Variants in SPATA31C2 observed in about 807,000 individuals in gnomAD.
SPATA31C2 encodes SPATA31 subfamily C member 2.
Under a neutral mutation model 11.4 loss-of-function variants are expected in SPATA31C2, and 5 were observed. That is an observed-to-expected ratio of 0.44 (90% CI 0.23 to 0.92). The LOEUF is 0.92. Among genes scored for constraint, SPATA31C2 ranks in the 40% least tolerant of loss-of-function variants. The probability of loss-of-function intolerance (pLI) is 0.24; values close to 1 mark genes in which losing one functional copy is unlikely to be tolerated. For missense variants in SPATA31C2, 1,353 were observed against 1,368.6 expected (o/e 0.99, Z 0.18); for synonymous variants, 515 against 538.7 (o/e 0.96, Z 0.61).
At position 88,131,711 on chromosome 9, in the gene SPATA31C2, G is replaced by T. The variant is rs757232036; in HGVS notation, c.1326C>A (p.Asn442Lys). Residue 442 changes from asparagine to lysine, a missense_variant, in exon 4 of 4, where the codon AAC (asparagine) becomes AAA (lysine). Coordinates refer to ENST00000324915, the MANE Select transcript of SPATA31C2 (RefSeq NM_001350978.3). ...TCCAGAGTTCAGGACTGACTGGAAA[G>T]TTCTCAGGCAGAATGGATGTCAGTC... is the stretch of plus-strand genomic sequence containing the variant. ...QERLTSILPENFPVSPELWRQ... is the reference protein window; with the variant it reads ...QERLTSILPEKFPVSPELWRQ... The T allele has an allele frequency of 2.2e-5, 36 of 1,611,872 alleles. No homozygotes were observed. In the East Asian group the frequency reaches 8.0e-4, roughly 36 times the overall value.
Position 88,131,291 on chromosome 9 carries a change from T to A in SPATA31C2, c.1746A>T (p.Arg582Ser). The change falls in exon 4 of 4, where the codon AGA becomes AGT. Residue 582 changes from arginine (R) to serine (S), a missense_variant. Coordinates refer to ENST00000324915, the MANE Select transcript of SPATA31C2 (RefSeq NM_001350978.3). ...IENILKAHMS[R>S]KLGQTNEGLI... is the part of the protein sequence containing the mutation. ...AGCCCTCGTTGGTCTGGCCCAACTTTCTGCTCATGTGGGCTTTCAGGATGT... is the reference window on the plus strand; with the variant it reads ...AGCCCTCGTTGGTCTGGCCCAACTTACTGCTCATGTGGGCTTTCAGGATGT... 3 of 1,611,844 alleles carry A rather than the reference T, an allele frequency of 1.9e-6. No homozygotes were observed. The highest frequency in any genetic ancestry group is 1.3e-5 in the African/African-American group (1 of 74,974).
At position 88,130,517 on chromosome 9, in the gene SPATA31C2, C is replaced by T; in HGVS notation, c.2520G>A (p.Met840Ile). The T allele has an allele frequency of 1.2e-6, 2 of 1,613,412 alleles. No individual in the cohort carries two copies. Among genetic ancestry groups the T allele is most frequent in the South Asian group, 1.1e-5 (1 of 91,058 alleles). ...GCTTTCTTGGGTCTTGGGAGACAGA[C>T]ATTCTAGGGAGTAGAGAGCTTTTGC... The part of the protein sequence containing the change: ...GASKSSLLPR[M>I]SVSQDPRKLC... Residue 840 changes from methionine (M) to isoleucine (I), a missense_variant, in exon 4 of 4, where the codon ATG becomes ATA. Met to Ile is a conservative substitution (Grantham distance 10). Coordinates refer to ENST00000324915, the MANE Select transcript of SPATA31C2 (RefSeq NM_001350978.3).
In SPATA31C2 at chr9:88,131,680, G is replaced by T. The variant is rs1825597928; in HGVS notation, c.1357C>A (p.Leu453Met). 6.2e-7 allele frequency: 1 copy of T among 1,611,848 alleles called. No individual in the cohort carries two copies. The highest frequency in any genetic ancestry group is 1.7e-5 in the Admixed American group (1 of 59,998). ...FPVSPELWRQ[L>M]EQHMGQRGRI... Reference sequence around the variant, plus strand: ...CCACGTTGCCCCATGTGTTGCTCCAGTTGTCTCCAGAGTTCAGGACTGACT... The same window carrying T: ...CCACGTTGCCCCATGTGTTGCTCCATTTGTCTCCAGAGTTCAGGACTGACT... The change falls in exon 4 of 4, where the codon CTG becomes ATG. Residue 453 changes from leucine to methionine, a missense_variant. Transcript: ENST00000324915.
rs1386741201 is a variant in SPATA31C2 at position 88,131,082 on chromosome 9, C to T, written c.1955G>A (p.Arg652Lys). The T allele has an allele frequency of 1.5e-5, 24 of 1,612,026 alleles. No homozygotes were observed. Among genetic ancestry groups the T allele is most frequent in the Non-Finnish European group, 2.0e-5 (24 of 1,179,856 alleles). ...ACCCCACCTGTGTTTGGCCCAAAAC[C>T]TCACAATATGGGCTCCCAGCACCTG... is the stretch of plus-strand genomic sequence containing the variant. ...TQQVLGAHIV[R>K]FWAKHRWGLP... Residue 652 changes from arginine (R) to lysine (K), a missense_variant, in exon 4 of 4, where the codon AGG (arginine) becomes AAG (lysine). Around this residue, in one of 6 missense-constraint regions of SPATA31C2, gnomAD observed 1,075 missense variants for 992.8 expected, o/e 1.08. Coordinates refer to ENST00000324915, the MANE Select transcript of SPATA31C2 (RefSeq NM_001350978.3).
Position 88,131,474 on chromosome 9 carries a change from C to G in SPATA31C2, c.1563G>C (p.Leu521=), listed in dbSNP as rs1298260189. ...RDPCPHLGQI[L]GETPQNLSRG... ...TGGATAGATTTTGTGGGGTCTCACC[C>G]AGAATTTGCCCCAGATGTGGGCATG... Residue 521 remains leucine, a synonymous_variant, in exon 4 of 4, where the codon CTG becomes CTC. Transcript: ENST00000324915. 1 of 1,611,764 alleles carries G rather than the reference C, an allele frequency of 6.2e-7. No individual in the cohort carries two copies. Among genetic ancestry groups the G allele is most frequent in the African/African-American group, 1.3e-5 (1 of 74,814 alleles).
In SPATA31C2 at chr9:88,130,334, C is replaced by G; in HGVS notation, c.2703G>C (p.Gln901His). Residue 901 changes from glutamine (Q) to histidine (H), a missense_variant, in exon 4 of 4, where the codon CAG becomes CAC. By Grantham distance (24) the Gln-to-His change is conservative (BLOSUM62 0). Around this residue, in one of 6 missense-constraint regions of SPATA31C2, gnomAD observed 1,075 missense variants for 992.8 expected, o/e 1.08. Transcript: ENST00000324915. ...CAGTAGGCATGCTCTGGAGATGGCCCTGGGGCACTTGAGAAGCCAAATTCT... is the reference window on the plus strand; with the variant it reads ...CAGTAGGCATGCTCTGGAGATGGCCGTGGGGCACTTGAGAAGCCAAATTCT... The part of the protein sequence containing the change: ...ASENLASQVP[Q>H]GHLQSMPTGN... The G allele has an allele frequency of 3.7e-6, 6 of 1,610,024 alleles. No homozygotes were observed. The highest frequency in any genetic ancestry group is 5.1e-6 in the Non-Finnish European group (6 of 1,179,190).
At position 88,129,854 on chromosome 9, in the gene SPATA31C2, C is replaced by T; in HGVS notation, c.3183G>A (p.Gln1061=). Residue 1061 remains glutamine, a synonymous_variant, in exon 4 of 4, where the codon CAG becomes CAA. Transcript: ENST00000324915. The part of the protein sequence containing the change: ...EAERLMTAVG[Q]ILEENMSLCH... ...AAAGTGACATGTTCTCCTCCAGTAT[C>T]TGTCCAACTGCTGTCATGAGCCTCT... is the stretch of plus-strand genomic sequence containing the variant. 6.2e-6 allele frequency: 10 copies of T among 1,605,066 alleles called. No individual in the cohort carries two copies. The highest frequency in any genetic ancestry group is 8.5e-6 in the Non-Finnish European group (10 of 1,174,170).
At position 88,131,467 on chromosome 9, in the gene SPATA31C2, T is replaced by G. The variant is rs1303038911; in HGVS notation, c.1570A>C (p.Thr524Pro). ...CPHLGQILGETPQNLSRGMES... is the reference protein window; with the variant it reads ...CPHLGQILGEPPQNLSRGMES... ...ATGCCCCTGGATAGATTTTGTGGGG[T>G]CTCACCCAGAATTTGCCCCAGATGT... Residue 524 changes from threonine (T) to proline (P), a missense_variant, in exon 4 of 4, where the codon ACC (threonine) becomes CCC (proline). Transcript: ENST00000324915. 1.2e-6 allele frequency: 2 copies of G among 1,611,798 alleles called. No homozygotes were observed. The highest frequency in any genetic ancestry group is 8.5e-7 in the Non-Finnish European group (1 of 1,179,796).
In SPATA31C2 at chr9:88,132,383, A is replaced by G. The variant is rs769119402; in HGVS notation, c.654T>C (p.Asp218=). 8 of 1,611,068 alleles carry G rather than the reference A, an allele frequency of 5.0e-6. No individual in the cohort carries two copies. Among genetic ancestry groups the G allele is most frequent in the Non-Finnish European group, 6.8e-6 (8 of 1,178,042 alleles). Residue 218 remains aspartate (D), a synonymous_variant, in exon 4 of 4, where the codon GAT becomes GAC. Coordinates refer to ENST00000324915, the MANE Select transcript of SPATA31C2 (RefSeq NM_001350978.3). ...GAGGAGGCGGAGAGCAGGCCAGAGG[A>G]TCAGGAGTGCGTGGTGGGTGAGGGA... The part of the protein sequence containing the change: ...ALFPHPPRTP[D]PLACSPPPPK...
rs1433224339 is a variant in SPATA31C2 at position 88,133,671 on chromosome 9, T to A, written c.190-2A>T. On this transcript the variant is annotated splice_acceptor_variant, in intron 1 of 3. Coordinates refer to ENST00000324915, the MANE Select transcript of SPATA31C2 (RefSeq NM_001350978.3). LOFTEE classifies it high-confidence loss of function. ...TGGACGCTGGGAGACAAGATGACGC[T>A]GGGAGACAAGAAATGGCGAGGAGCT... The A allele has an allele frequency of 1.3e-6, 2 of 1,599,440 alleles. No homozygotes were observed. Among genetic ancestry groups the A allele is most frequent in the Admixed American group, 1.7e-5 (1 of 59,634 alleles).
At position 88,131,222 on chromosome 9, in the gene SPATA31C2, C is replaced by G. The variant is rs750805116; in HGVS notation, c.1815G>C (p.Gln605His). ...SVRRSWLAVN[Q>H]AFPVSNTHVK... The stretch of plus-strand genomic sequence containing the variant: ...CGTGGGTGTTGGAGACGGGAAAAGC[C>G]TGGTTGACAGCAAGCCAGGATCGAC... The change falls in exon 4 of 4, where the codon CAG becomes CAC. Residue 605 changes from glutamine (Q) to histidine (H), a missense_variant. Gln to His is a conservative substitution (Grantham distance 24). Coordinates refer to ENST00000324915, the MANE Select transcript of SPATA31C2 (RefSeq NM_001350978.3). 8 of 1,611,802 alleles carry G rather than the reference C, an allele frequency of 5.0e-6. No individual in the cohort carries two copies. In the African/African-American group the frequency reaches 1.1e-4, roughly 22 times the overall value.
In SPATA31C2 at chr9:88,137,947, TCC is replaced by T. The variant is rs1291514409; in HGVS notation, c.189+309_189+310del. Among the ~76,000 whole-genome samples the T allele has an allele frequency of 4.5e-5, 5 of 111,578 alleles. 1 individual carries two copies. The highest frequency in any genetic ancestry group is 5.0e-5 in the Non-Finnish European group (3 of 60,602). The allele number at this position is 111,578 out of a possible 152,430, so 73.2% of individuals were successfully genotyped here. Reference sequence around the variant, plus strand: ...ACCTCCCATCTCATGACCAGAGACCTCCCCCGTCTCATGACCAGAGACCTCCC... The same window carrying T: ...ACCTCCCATCTCATGACCAGAGACCTCCCGTCTCATGACCAGAGACCTCCC... On this transcript the variant is annotated intron_variant, in intron 1 of 3. Coordinates refer to ENST00000324915, the MANE Select transcript of SPATA31C2 (RefSeq NM_001350978.3).
chr9:88,133,374 G>A (rs1012740733), intron 2 of SPATA31C2, among the ~76,000 whole-genome samples: 3 of 78,624 alleles, frequency 3.8e-5, no homozygotes, highest in Admixed American at 1.4e-4. Context: ...GCAGGCATTG[G>A]TCTCCCCAGG....
chr9:88,133,702 C>T (rs748752802), intron 1 of SPATA31C2, 33 bp from the exon 2 acceptor site: 44 of 1,544,008 alleles, frequency 2.8e-5, no homozygotes, highest in East Asian at 5.1e-5. Context: ...GAGCTAGGAC[C>T]GGCTCTCCCT....
rs1220370141 is a variant in SPATA31C2, at chr9:88,129,642, C to T, written c.3395G>A (p.Arg1132Lys). The T allele has an allele frequency of 6.2e-7, 1 of 1,603,168 alleles. No homozygotes were observed. Among genetic ancestry groups the T allele is most frequent in the South Asian group, 1.1e-5 (1 of 90,952 alleles). Residue 1132 changes from arginine (R) to lysine (K), a missense_variant, in exon 4 of 4, where the codon AGA (arginine) becomes AAA (lysine). This residue lies in a region of SPATA31C2 where 187 missense variants were observed against 205.8 expected (regional missense o/e 0.91). Coordinates refer to ENST00000324915, the MANE Select transcript of SPATA31C2 (RefSeq NM_001350978.3). Reference protein sequence around the residue: ...QSRPNRDRQIRDQ With the variant: ...QSRPNRDRQIKDQ ...GACACTTTTCAAGGGCTACTGATCTCTGATTTGTCTGTCTCTGTTGGGACG... is the reference window on the plus strand; with the variant it reads ...GACACTTTTCAAGGGCTACTGATCTTTGATTTGTCTGTCTCTGTTGGGACG...
rs1203151149 is a variant in SPATA31C2, at chr9:88,132,380, A to G, written c.657T>C (p.Pro219=). The G allele has an allele frequency of 6.2e-7, 1 of 1,610,936 alleles. No individual in the cohort carries two copies. Among genetic ancestry groups the G allele is most frequent in the Non-Finnish European group, 8.5e-7 (1 of 1,178,058 alleles). ...TCGGAGGAGGCGGAGAGCAGGCCAG[A>G]GGATCAGGAGTGCGTGGTGGGTGAG... ...LFPHPPRTPD[P]LACSPPPPKG... The change falls in exon 4 of 4, where the codon CCT becomes CCC. Residue 219 remains proline (P), a synonymous_variant. Coordinates refer to ENST00000324915, the MANE Select transcript of SPATA31C2 (RefSeq NM_001350978.3).
chr9:88,133,810 C>G (rs1444155888), intron 1 of SPATA31C2, 141 bp from the exon 2 acceptor site: 1 of 1,307,056 alleles, frequency 7.7e-7, no homozygotes, highest in African/African-American at 1.5e-5. Context: ...CCCTCCCACT[C>G]ATGTTTAAAT....
At chr9:88,133,063 G>A in intron 2 of SPATA31C2, 37 bp from the exon 3 acceptor site, 2 of 1,292,020 alleles carry the variant, frequency 1.5e-6, no homozygotes, top group East Asian at 3.4e-5. Flanking sequence ...TGAGGGAGGG[G>A]CTTGGGATCT....
Position 88,131,895 on chromosome 9 carries a change from G to C in SPATA31C2, c.1142C>G (p.Ala381Gly). ...PMKNTGVACP[A>G]SQNKVQALSL... ...GAGAGCTTGCACTTTATTCTGCGAC[G>C]CAGGGCAAGCTACTCCAGTGTTCTT... The change falls in exon 4 of 4, where the codon GCG becomes GGG. Residue 381 changes from alanine to glycine, a missense_variant. By Grantham distance (60) the Ala-to-Gly change is moderately conservative (BLOSUM62 0). Around this residue, in one of 6 missense-constraint regions of SPATA31C2, gnomAD observed 1,075 missense variants for 992.8 expected, o/e 1.08. Transcript: ENST00000324915. 2 of 1,610,370 alleles carry C rather than the reference G, an allele frequency of 1.2e-6. No homozygotes were observed. The highest frequency in any genetic ancestry group is 1.7e-6 in the Non-Finnish European group (2 of 1,178,656).
Sources: gnomAD v4.1 joint callset for allele counts (sites outside exome capture counted in the v4.1 genomes callset) on GRCh38, gnomAD v4.1.1 for gene constraint, gnomAD v4.1.1 regional missense constraint, MANE v1.5 for transcripts, NCBI Gene and HGNC (gene_info 2026-07-23, HGNC 2026-07-21) for gene names.